Variants in KIAA1328 observed in about 807,000 individuals in gnomAD.
KIAA1328 encodes KIAA1328.
A neutral mutation model predicts 68.1 loss-of-function variants in KIAA1328; 52 were observed. The ratio of observed to expected loss-of-function variants is 0.76; its 90% CI spans 0.61 to 0.96. The LOEUF is 0.96. KIAA1328 is among the 40% of genes least tolerant of loss of function. KIAA1328 has a pLI of 0.00. For synonymous variants in KIAA1328, 232 were observed against 239.4 expected, an observed-to-expected ratio of 0.97 and a Z score of 0.28; for missense variants, 641 against 677.6, an observed-to-expected ratio of 0.95 and a Z score of 0.60.
At chr18:37,136,192 T>A (rs2058640057) in intron 7 of KIAA1328, among the ~76,000 whole-genome samples, 1 of 152,156 alleles carries the variant, frequency 6.6e-6, no homozygotes, top group Non-Finnish European at 1.5e-5. Flanking sequence ...GCACTGGCCG[T>A]GTGTGTTGAT....
chr18:37,042,020 A>G (rs1293643218), intron 6 of KIAA1328, among the ~76,000 whole-genome samples: 2 of 152,056 alleles, frequency 1.3e-5, no homozygotes, highest in African/African-American at 4.8e-5. Context: ...AGCTGGGACT[A>G]CAGGCATGCA....
chr18:36,967,068 T>G (rs1264276260), intron 6 of KIAA1328, among the ~76,000 whole-genome samples: 1 of 152,234 alleles, frequency 6.6e-6, no homozygotes, highest in Non-Finnish European at 1.5e-5. Flanking sequence ...TCACATGACC[T>G]TGGCCCCCTG....
chr18:37,119,015 C>T (rs1279169933), intron 7 of KIAA1328, among the ~76,000 whole-genome samples: 1 of 152,098 alleles, frequency 6.6e-6, no homozygotes, highest in Non-Finnish European at 1.5e-5. Context: ...ATGCTAAGAT[C>T]AGAAGATTTC....
intron 8 of KIAA1328, among the ~76,000 whole-genome samples, chr18:37,165,586 ATTTTT>A (rs767099970): frequency 4.8e-5 from 6 of 126,024 alleles, no homozygotes; most frequent in Non-Finnish European, 8.5e-5. Context: ...CACCCGGCTA[ATTTTT>A]TTTTTTTTTT....
chr18:37,183,170 T>TG (rs1466234681), intron 9 of KIAA1328, among the ~76,000 whole-genome samples: 4 of 151,868 alleles, frequency 2.6e-5, no homozygotes, highest in South Asian at 2.1e-4. Context: ...ATTGTGTGTG[T>TG]TTTTTTTGGG....
chr18:36,988,549 T>G (rs2053039924), intron 6 of KIAA1328, among the ~76,000 whole-genome samples: 1 of 152,236 alleles, frequency 6.6e-6, no homozygotes, highest in African/African-American at 2.4e-5. Flanking sequence ...TTTGGCAAGC[T>G]GCATTATTCT....
In KIAA1328 at chr18:37,222,875, G is replaced by A; in HGVS notation, c.*648G>A. On this transcript the variant is annotated 3_prime_UTR_variant, in exon 10 of 10. Coordinates refer to ENST00000280020, the MANE Select transcript of KIAA1328 (RefSeq NM_020776.3). ...AGGGTGAGACCCAGCCAATCCTTGGGAGCAAGCAGCACTAAATCACATCAG... is the reference window on the plus strand; with the variant it reads ...AGGGTGAGACCCAGCCAATCCTTGGAAGCAAGCAGCACTAAATCACATCAG... 1.0e-6 allele frequency: 1 copy of A among 987,662 alleles called. No individual in the cohort carries two copies. Among genetic ancestry groups the A allele is most frequent in the Non-Finnish European group, 1.2e-6 (1 of 831,572 alleles). The allele number at this position is 987,662 out of a possible 1,614,324, so 61.2% of individuals were successfully genotyped here. A position where few individuals can be genotyped will look rare whatever the true frequency, so the allele number is the denominator to read the frequency against.
At chr18:37,077,196 A>C (rs1242134405) in intron 7 of KIAA1328, among the ~76,000 whole-genome samples, 1 of 143,696 alleles carries the variant, frequency 7.0e-6, no homozygotes, top group Non-Finnish European at 1.5e-5. Context: ...AAATCAATAA[A>C]TGTAATCCAG....
intron 7 of KIAA1328, among the ~76,000 whole-genome samples, chr18:37,112,691 C>T (rs148586506): frequency 3.3e-5 from 5 of 152,238 alleles, no homozygotes; most frequent in African/African-American, 1.2e-4. Context: ...TTCAGAAGAT[C>T]GGTAATAACA....
At chr18:37,221,461 T>C (rs1662907) in intron 9 of KIAA1328, among the ~76,000 whole-genome samples, 14,156 of 152,206 alleles carry the variant, frequency 0.093, 2,224 homozygotes, top group African/African-American at 0.32. Flanking sequence ...CGTGTCTGTC[T>C]GTGAAGATTT....
intron 6 of KIAA1328, among the ~76,000 whole-genome samples, chr18:37,042,759 G>A (rs1419479264): frequency 6.6e-5 from 10 of 151,970 alleles, no homozygotes; most frequent in African/African-American, 1.9e-4. Flanking sequence ...GAGCTTCTTC[G>A]ATGTGCCGAT....
intron 7 of KIAA1328, among the ~76,000 whole-genome samples, chr18:37,121,156 ATG>A (rs762934115): frequency 5.1e-4 from 77 of 152,290 alleles, no homozygotes; most frequent in Non-Finnish European, 9.6e-4. Context: ...CATTTTATGA[ATG>A]TGTGAACTAA....
chr18:37,079,168 A>G (rs2056858573), intron 7 of KIAA1328, among the ~76,000 whole-genome samples: 1 of 121,946 alleles, frequency 8.2e-6, no homozygotes, highest in Non-Finnish European at 1.6e-5. Context: ...TGATGAGTTC[A>G]TGTCCTTTGT....
At chr18:37,212,227 G>T (rs889952203) in intron 9 of KIAA1328, among the ~76,000 whole-genome samples, 1 of 152,166 alleles carries the variant, frequency 6.6e-6, no homozygotes, top group Non-Finnish European at 1.5e-5. Flanking sequence ...AGAATGTGTT[G>T]ATTGAACATA....
chr18:37,116,771 G>A (rs535845083), intron 7 of KIAA1328, among the ~76,000 whole-genome samples: 3 of 152,230 alleles, frequency 2.0e-5, no homozygotes, highest in African/African-American at 7.2e-5. Flanking sequence ...ATCTGACAAA[G>A]GCCTAATATC....
chr18:37,024,408 A>G (rs2054478064), intron 6 of KIAA1328, among the ~76,000 whole-genome samples: 1 of 149,880 alleles, frequency 6.7e-6, no homozygotes, highest in South Asian at 2.1e-4. Context: ...TTTAAGTTCT[A>G]GGGCACACGT....
intron 6 of KIAA1328, among the ~76,000 whole-genome samples, chr18:37,064,401 T>C (rs1187245896): frequency 2.6e-5 from 4 of 152,194 alleles, no homozygotes; most frequent in Non-Finnish European, 5.9e-5. Context: ...CGAAATAAAT[T>C]GGTGGGATTT....
intron 4 of KIAA1328, among the ~76,000 whole-genome samples, chr18:36,869,105 G>A (rs996116364): frequency 6.6e-6 from 1 of 150,600 alleles, no homozygotes; most frequent in Admixed American, 6.6e-5. Context: ...TGGGGTCAAG[G>A]GAGTAGTATA....
chr18:37,025,294 G>A (rs550808658), intron 6 of KIAA1328, among the ~76,000 whole-genome samples: 1 of 152,234 alleles, frequency 6.6e-6, no homozygotes, highest in African/African-American at 2.4e-5. Flanking sequence ...ACCCCCCACT[G>A]TCAACATTAG....
Sources: gnomAD v4.1 joint callset for allele counts (sites outside exome capture counted in the v4.1 genomes callset) on GRCh38, gnomAD v4.1.1 for gene constraint, MANE v1.5 for transcripts, NCBI Gene and HGNC (gene_info 2026-07-23, HGNC 2026-07-21) for gene names.